The following GAS2 variants were observed in gnomAD, a reference collection of about 807,000 sequenced individuals.
The protein encoded by GAS2 is growth arrest-specific protein 2.
A neutral mutation model predicts 37.5 loss-of-function variants in GAS2; 20 were observed. The ratio of observed to expected loss-of-function variants is 0.53; its 90% confidence interval spans 0.37 to 0.77. GAS2 has a LOEUF of 0.77. Among genes scored for constraint, GAS2 ranks in the 30% least tolerant of loss-of-function variants. GAS2 has a pLI of 0.00. For missense variants in GAS2, 336 were observed against 373.4 expected (o/e 0.90, Z 0.82); for synonymous variants, 144 against 132.2 (o/e 1.09, Z -0.61).
chr11:22,710,776 G>C (rs938727274), intron 3 of GAS2, among the ~76,000 whole-genome samples: 3 of 151,992 alleles, frequency 2.0e-5, no homozygotes, highest in African/African-American at 7.3e-5. Context: ...GTGACTTAAG[G>C]GTTTCCAAGA....
chr11:22,789,303 TACACACACAC>T (rs201918939), intron 7 of GAS2, among the ~76,000 whole-genome samples: 21,391 of 110,962 alleles, frequency 0.19, 2,431 homozygotes, highest in Middle Eastern at 0.32. Context: ...TATATATATA[TACACACACAC>T]ACACACACAC....
At chr11:22,635,046 G>A (rs543917376) in intron 1 of GAS2, among the ~76,000 whole-genome samples, 1 of 152,318 alleles carries the variant, frequency 6.6e-6, no homozygotes, top group Admixed American at 6.5e-5. Flanking sequence ...TTGGCCTCCA[G>A]CCAGGAGGCG....
intron 1 of GAS2, among the ~76,000 whole-genome samples, chr11:22,660,097 C>A (rs1848899867): frequency 1.3e-5 from 2 of 152,132 alleles, no homozygotes; most frequent in African/African-American, 4.8e-5. Flanking sequence ...ATTAGGTAAG[C>A]TTTTTAAAAA....
At chr11:22,745,354 A>C (rs943070628) in intron 5 of GAS2, among the ~76,000 whole-genome samples, 6 of 152,104 alleles carry the variant, frequency 3.9e-5, no homozygotes, top group Non-Finnish European at 7.4e-5. Flanking sequence ...AAAAATAAGC[A>C]ATGGAGAAAG....
At chr11:22,805,547 C>T (rs545452195) in intron 7 of GAS2, among the ~76,000 whole-genome samples, 1 of 152,226 alleles carries the variant, frequency 6.6e-6, no homozygotes, top group East Asian at 1.9e-4. Flanking sequence ...CCAACCACTT[C>T]TGCTTCTAGT....
chr11:22,686,555 A>C (rs1455803791), intron 3 of GAS2, among the ~76,000 whole-genome samples: 1 of 4,120 alleles, frequency 2.4e-4, no homozygotes, highest in Admixed American at 1.2e-3. Flanking sequence ...GTCTCTACTA[A>C]AAAAAAAAAA....
chr11:22,699,711 A>G (rs1590662680), intron 3 of GAS2, among the ~76,000 whole-genome samples: 1 of 152,284 alleles, frequency 6.6e-6, no homozygotes, highest in East Asian at 1.9e-4. Context: ...AAATGTAGTA[A>G]TAATTGTAGC....
chr11:22,706,324 A>G (rs1851114793), intron 3 of GAS2, among the ~76,000 whole-genome samples: 1 of 146,920 alleles, frequency 6.8e-6, no homozygotes, highest in South Asian at 2.1e-4. Flanking sequence ...AAAGAAGTAG[A>G]CGGTTTTTTT....
chr11:22,721,787 G>A, intron 3 of GAS2, among the ~76,000 whole-genome samples: 1 of 151,944 alleles, frequency 6.6e-6, no homozygotes, highest in East Asian at 1.9e-4. Context: ...CAAATTTAGG[G>A]TAAAGATAGG....
At chr11:22,634,198 G>A (rs905976866) in intron 1 of GAS2, among the ~76,000 whole-genome samples, 2 of 152,154 alleles carry the variant, frequency 1.3e-5, no homozygotes, top group Admixed American at 6.5e-5. Context: ...CCAAGTGAAA[G>A]GGGTTTCCGC....
intron 7 of GAS2, among the ~76,000 whole-genome samples, chr11:22,802,706 C>T (rs1856721328): frequency 1.3e-5 from 2 of 151,908 alleles, no homozygotes; most frequent in South Asian, 2.1e-4. Flanking sequence ...TTCTTATCAA[C>T]AACAAAAATA....
intron 7 of GAS2, among the ~76,000 whole-genome samples, chr11:22,761,546 G>C (rs1165176359): frequency 6.6e-6 from 1 of 151,992 alleles, no homozygotes; most frequent in Non-Finnish European, 1.5e-5. Context: ...TTGTACCTTA[G>C]GGTTGTTCAA....
chr11:22,643,353 G>T (rs1439761580), intron 1 of GAS2, among the ~76,000 whole-genome samples: 2 of 151,572 alleles, frequency 1.3e-5, no homozygotes, highest in African/African-American at 4.8e-5. Context: ...CTCTTGGATT[G>T]CTAATATTCA....
At chr11:22,672,266 G>A (rs1276437371) in intron 1 of GAS2, among the ~76,000 whole-genome samples, 1 of 152,020 alleles carries the variant, frequency 6.6e-6, no homozygotes, top group African/African-American at 2.4e-5. Context: ...TATTCTTATT[G>A]TTTTTACTTA....
intron 7 of GAS2, among the ~76,000 whole-genome samples, chr11:22,786,112 G>A (rs771093673): frequency 9.9e-5 from 15 of 151,984 alleles, no homozygotes; most frequent in Non-Finnish European, 1.5e-4. Context: ...CTGCTTCTGC[G>A]GTATCCACCT....
intron 1 of GAS2, among the ~76,000 whole-genome samples, chr11:22,674,250 T>C (rs1849323014): frequency 6.6e-6 from 1 of 152,090 alleles, no homozygotes; most frequent in African/African-American, 2.4e-5. Context: ...TTGGTTTCTT[T>C]GACTGCAAGA....
At chr11:22,640,750 G>T (rs945737391) in intron 1 of GAS2, among the ~76,000 whole-genome samples, 2 of 152,088 alleles carry the variant, frequency 1.3e-5, no homozygotes, top group African/African-American at 4.8e-5. Flanking sequence ...AAGTGCAAAA[G>T]AAATTTTTTC....
intron 1 of GAS2, among the ~76,000 whole-genome samples, chr11:22,641,302 C>CTTTATATATA (rs1240798020): frequency 5.9e-4 from 6 of 10,140 alleles, no homozygotes; most frequent in South Asian, 3.9e-3. Flanking sequence ...ATATATATAT[C>CTTTATATATA]TTTATATATA....
intron 3 of GAS2, among the ~76,000 whole-genome samples, chr11:22,686,677 G>C (rs541531893): frequency 6.7e-4 from 102 of 151,396 alleles, no homozygotes; most frequent in African/African-American, 2.4e-3. Flanking sequence ...TTGAACCCAG[G>C]AAGTAAAGGT....
Sources: allele counts gnomAD v4.1 joint callset (sites outside exome capture counted in the v4.1 genomes callset), GRCh38; gene constraint gnomAD v4.1.1; transcripts MANE v1.5; gene names NCBI Gene and HGNC (gene_info 2026-07-23, HGNC 2026-07-21).